Variants in NELL2 observed in about 807,000 individuals in gnomAD.
NELL2 encodes the protein neural EGFL like 2.
In NELL2, 41 loss-of-function variants were observed where a neutral mutation model predicts 109.6. The observed-to-expected ratio is 0.37, with a 90% CI of 0.29 to 0.49. The LOEUF (loss-of-function observed/expected upper bound fraction) is 0.49. Ranked by LOEUF, NELL2 falls within the 20% of genes least tolerant of loss-of-function variation. NELL2 has a pLI of 0.98. For missense variants in NELL2, 900 were observed against 1,008.3 expected, an observed-to-expected ratio of 0.89 and a Z score of 1.45; for synonymous variants, 355 against 344.7, an observed-to-expected ratio of 1.03 and a Z score of -0.33.
intron 13 of NELL2, among the ~76,000 whole-genome samples, chr12:44,651,471 A>T (rs1216918066): frequency 6.6e-6 from 1 of 152,188 alleles, no homozygotes; most frequent in African/African-American, 2.4e-5. Flanking sequence ...GGCAGCTGAT[A>T]CTACACTATA....
At chr12:44,644,324 T>C (rs568042299) in intron 13 of NELL2, among the ~76,000 whole-genome samples, 1 of 152,110 alleles carries the variant, frequency 6.6e-6, no homozygotes, top group South Asian at 2.1e-4. Flanking sequence ...GAATTTTGTA[T>C]AATAAATCTG....
intron 15 of NELL2, among the ~76,000 whole-genome samples, chr12:44,573,132 T>G (rs2136198307): frequency 6.6e-6 from 1 of 152,340 alleles, no homozygotes; most frequent in South Asian, 2.1e-4. Context: ...AGCCCAGATA[T>G]TACAAGACGG....
chr12:44,708,567 G>A (rs1238520691), intron 11 of NELL2, among the ~76,000 whole-genome samples: 2 of 152,292 alleles, frequency 1.3e-5, no homozygotes, highest in African/African-American at 4.8e-5. Context: ...AAAAATTTAA[G>A]CCTTGAAAAC....
chr12:44,705,015 T>TC (rs2136423540), intron 11 of NELL2, among the ~76,000 whole-genome samples: 1 of 59,944 alleles, frequency 1.7e-5, no homozygotes, highest in South Asian at 6.0e-4. Context: ...TAGGACTCCA[T>TC]CAAAAAAAAA....
chr12:44,908,707 C>T (rs1328414042), intron 1 of NELL2, among the ~76,000 whole-genome samples: 1 of 151,848 alleles, frequency 6.6e-6, no homozygotes, highest in Non-Finnish European at 1.5e-5. Flanking sequence ...AACAGGTAGT[C>T]TAAAGTAAAT....
At chr12:44,780,811 G>A (rs1941930852) in intron 3 of NELL2, among the ~76,000 whole-genome samples, 1 of 152,006 alleles carries the variant, frequency 6.6e-6, no homozygotes, top group Non-Finnish European at 1.5e-5. Context: ...AGAAATAAAA[G>A]AAGCTTCCCC....
chr12:44,751,738 T>C (rs1940661401), intron 9 of NELL2, among the ~76,000 whole-genome samples: 1 of 152,116 alleles, frequency 6.6e-6, no homozygotes. Flanking sequence ...TCACTGAAAT[T>C]TGAAATAAAA....
At chr12:44,691,890 C>T (rs181647517) in intron 12 of NELL2, among the ~76,000 whole-genome samples, 4 of 152,230 alleles carry the variant, frequency 2.6e-5, no homozygotes, top group Middle Eastern at 3.4e-3. Context: ...GAAGTTGGCT[C>T]ATTATGTTTA....
At chr12:44,713,213 CACAGAGAGAGACAGAGAGAGAG>C (rs1377815411) in intron 10 of NELL2, among the ~76,000 whole-genome samples, 1 of 119,222 alleles carries the variant, frequency 8.4e-6, no homozygotes, top group African/African-American at 3.6e-5. Context: ...CACACACACA[CACAGAGAGAGACAGAGAGAGAG>C]AGAGAGAGAC....
chr12:44,904,276 G>C lies in NELL2; in HGVS notation c.38+9523C>G, dbSNP rs78204313. 7.0e-3 allele frequency among the ~76,000 whole-genome samples: 1,066 copies of C among 152,202 alleles called. 18 individuals are homozygous for C. Among genetic ancestry groups the C allele is most frequent in the African/African-American group, 0.025 (1,020 of 41,556 alleles). ...AAAGGCTAGATCAGACATTGTAATA[G>C]ATATAATGCTATATGCTCAACACAT... On this transcript the variant is annotated intron_variant, in intron 1 of 20. Transcript: ENST00000333837.
intron 15 of NELL2, among the ~76,000 whole-genome samples, chr12:44,606,735 A>C (rs182122945): frequency 1.1e-3 from 174 of 152,292 alleles, no homozygotes; most frequent in African/African-American, 3.6e-3. Context: ...TTAATGAATA[A>C]TTAAAGGGCC....
In NELL2 at chr12:44,703,718, A is replaced by G. The variant is rs993857500; in HGVS notation, c.1318+8T>C. The stretch of plus-strand genomic sequence containing the variant: ...TACAGCTGAGCTACACATCATTACA[A>G]GGATTACCTTCACAGTAGGCATTAT... On this transcript the variant is annotated splice_region_variant and intron_variant, in intron 12 of 19. Coordinates refer to ENST00000429094, the MANE Select transcript of NELL2 (RefSeq NM_001145108.2). 4 of 1,613,018 alleles carry G rather than the reference A, an allele frequency of 2.5e-6. No homozygotes were observed. In the African/African-American group the frequency reaches 4.0e-5, roughly 16 times the overall value.
chr12:44,551,811 T>G (rs1392255071), intron 15 of NELL2, among the ~76,000 whole-genome samples: 2 of 152,134 alleles, frequency 1.3e-5, no homozygotes, highest in African/African-American at 4.8e-5. Flanking sequence ...CACAGTGGCT[T>G]TTTAAAAAAA....
chr12:44,599,110 C>T (rs188945604), intron 15 of NELL2, among the ~76,000 whole-genome samples: 4 of 152,012 alleles, frequency 2.6e-5, no homozygotes, highest in Admixed American at 6.5e-5. Flanking sequence ...GCTACACCTG[C>T]GGAAACAAAT....
chr12:44,644,645 T>TATAC (rs1482850607), intron 13 of NELL2, among the ~76,000 whole-genome samples: 1 of 134,872 alleles, frequency 7.4e-6, no homozygotes, highest in East Asian at 2.1e-4. Flanking sequence ...TATATATATA[T>TATAC]ATATACACAC....
At chr12:44,587,565 A>G (rs1049225935) in intron 15 of NELL2, among the ~76,000 whole-genome samples, 3 of 152,098 alleles carry the variant, frequency 2.0e-5, no homozygotes, top group Non-Finnish European at 2.9e-5. Flanking sequence ...ATTAATACAT[A>G]GAATCACAGA....
chr12:44,644,604 G>A (rs184126109), intron 13 of NELL2, among the ~76,000 whole-genome samples: 6,705 of 79,116 alleles, frequency 0.085, 303 homozygotes, highest in Middle Eastern at 0.15. Flanking sequence ...ATATATATAT[G>A]TATGTATATA....
intron 2 of NELL2, among the ~76,000 whole-genome samples, chr12:44,869,406 A>T (rs924962075): frequency 6.6e-6 from 1 of 152,178 alleles, no homozygotes; most frequent in African/African-American, 2.4e-5. Context: ...CATGAAAGGT[A>T]GCTTCATAGA....
intron 3 of NELL2, among the ~76,000 whole-genome samples, chr12:44,799,174 G>A (rs1403263074): frequency 1.3e-5 from 2 of 151,808 alleles, no homozygotes; most frequent in Admixed American, 6.6e-5. Context: ...TAGCCAGGAC[G>A]GTCTTGATCT....
Sources: gnomAD v4.1 joint callset for allele counts (sites outside exome capture counted in the v4.1 genomes callset) on GRCh38, gnomAD v4.1.1 for gene constraint, MANE v1.5 for transcripts, NCBI Gene and HGNC (gene_info 2026-07-23, HGNC 2026-07-21) for gene names.